Variants in ST6GALNAC3 observed in about 807,000 individuals in gnomAD.
ST6GALNAC3 encodes the protein alpha-N-acetylgalactosaminide alpha-2,6-sialyltransferase 3.
ST6GALNAC3 carries 25 observed loss-of-function variants against 32.7 expected under a neutral mutation model. That is an observed-to-expected ratio of 0.76 (90% confidence interval 0.56 to 1.07). The LOEUF (loss-of-function observed/expected upper bound fraction) is 1.07. Among genes scored for constraint, ST6GALNAC3 ranks in the 50% least tolerant of loss-of-function variants. The pLI is 0.00. For synonymous variants in ST6GALNAC3, 129 were observed against 133.1 expected (o/e 0.97, Z 0.21); for missense variants, 355 against 382.4 (o/e 0.93, Z 0.60).
intron 2 of ST6GALNAC3, among the ~76,000 whole-genome samples, chr1:76,409,096 C>G (rs2101275397): frequency 6.6e-6 from 1 of 152,230 alleles, no homozygotes; most frequent in South Asian, 2.1e-4. Context: ...ATGCGTGACC[C>G]CAAAGGGCAC....
chr1:76,568,721 A>G (rs577847594), intron 3 of ST6GALNAC3, among the ~76,000 whole-genome samples: 1 of 152,244 alleles, frequency 6.6e-6, no homozygotes, highest in African/African-American at 2.4e-5. Flanking sequence ...CTTCGTGTCC[A>G]GGTGCATTAA....
At chr1:76,410,164 A>G (rs1434032950) in intron 2 of ST6GALNAC3, among the ~76,000 whole-genome samples, 1 of 152,118 alleles carries the variant, frequency 6.6e-6, no homozygotes, top group African/African-American at 2.4e-5. Flanking sequence ...CATCTCACGC[A>G]AACTGAAAGA....
At chr1:76,224,379 C>T (rs1655951551) in intron 1 of ST6GALNAC3, among the ~76,000 whole-genome samples, 2 of 152,170 alleles carry the variant, frequency 1.3e-5, no homozygotes, top group African/African-American at 4.8e-5. Context: ...AGAGTAAATG[C>T]TCATTAAATA....
At chr1:76,496,152 T>A (rs945990126) in intron 3 of ST6GALNAC3, among the ~76,000 whole-genome samples, 1 of 152,130 alleles carries the variant, frequency 6.6e-6, no homozygotes, top group East Asian at 1.9e-4. Flanking sequence ...GGTCCCTCCC[T>A]CCATATGGAA....
chr1:76,183,045 A>C (rs1402691611), intron 1 of ST6GALNAC3, among the ~76,000 whole-genome samples: 1 of 152,128 alleles, frequency 6.6e-6, no homozygotes, highest in African/African-American at 2.4e-5. Context: ...TGTCTAATGC[A>C]GTTCTAATGC....
intron 1 of ST6GALNAC3, among the ~76,000 whole-genome samples, chr1:76,213,822 G>T (rs1247103976): frequency 6.6e-6 from 1 of 152,108 alleles, no homozygotes. Context: ...CTGATTAAGG[G>T]AATTCAGACT....
chr1:76,398,004 C>T (rs1173750190), intron 2 of ST6GALNAC3, among the ~76,000 whole-genome samples: 1 of 152,032 alleles, frequency 6.6e-6, no homozygotes, highest in Non-Finnish European at 1.5e-5. Flanking sequence ...CTCTGGGTTT[C>T]TGTGATTACA....
At chr1:76,583,902 C>T (rs1306181373) in intron 3 of ST6GALNAC3, among the ~76,000 whole-genome samples, 2 of 152,180 alleles carry the variant, frequency 1.3e-5, no homozygotes, top group Non-Finnish European at 1.5e-5. Context: ...CCATCTTAAG[C>T]TTCTTCAACA....
intron 1 of ST6GALNAC3, among the ~76,000 whole-genome samples, chr1:76,091,389 T>C (rs549021440): frequency 2.6e-5 from 4 of 152,372 alleles, no homozygotes; most frequent in African/African-American, 4.8e-5. Flanking sequence ...ATGCTTGTTA[T>C]CTGAAGATGT....
chr1:76,487,345 C>T (rs1039556189), intron 3 of ST6GALNAC3, among the ~76,000 whole-genome samples: 5 of 152,132 alleles, frequency 3.3e-5, no homozygotes, highest in African/African-American at 1.2e-4. Context: ...CCATTCTCCC[C>T]GTCACTTTCA....
chr1:76,156,802 G>A (rs1651462024), intron 1 of ST6GALNAC3, among the ~76,000 whole-genome samples: 1 of 152,184 alleles, frequency 6.6e-6, no homozygotes, highest in East Asian at 1.9e-4. Flanking sequence ...CGCGATCTTG[G>A]CTCACTGCAA....
rs545057769 is a variant in ST6GALNAC3 at position 76,601,057 on chromosome 1, G to A, written c.624-26395G>A. Among the ~76,000 whole-genome samples the A allele has an allele frequency of 3.3e-5, 5 of 152,146 alleles. No homozygotes were observed. The South Asian group carries it at 1.0e-3, about 32-fold the overall frequency. ...ATAAATAAATACAAAAATTAGCCAG[G>A]CATGGTGGTGCTTGCCTGTAGTCCC... On this transcript the variant is annotated intron_variant, in intron 3 of 4. Transcript: ENST00000328299.
chr1:76,195,023 A>G (rs1654116566), intron 1 of ST6GALNAC3, among the ~76,000 whole-genome samples: 1 of 152,200 alleles, frequency 6.6e-6, no homozygotes, highest in Non-Finnish European at 1.5e-5. Context: ...AATATCCAAA[A>G]ATCACATTCC....
At chr1:76,459,462 G>A (rs1658122550) in intron 3 of ST6GALNAC3, among the ~76,000 whole-genome samples, 1 of 152,028 alleles carries the variant, frequency 6.6e-6, no homozygotes, top group South Asian at 2.1e-4. Context: ...TACTCGGGAG[G>A]CTGAGGTAGG....
At chr1:76,233,172 A>G (rs1337081745) in intron 1 of ST6GALNAC3, among the ~76,000 whole-genome samples, 1 of 152,154 alleles carries the variant, frequency 6.6e-6, no homozygotes, top group Non-Finnish European at 1.5e-5. Flanking sequence ...CTACAGTAAT[A>G]ATAATATTAC....
intron 1 of ST6GALNAC3, among the ~76,000 whole-genome samples, chr1:76,276,999 T>G (rs1659169801): frequency 6.6e-6 from 1 of 152,218 alleles, no homozygotes; most frequent in African/African-American, 2.4e-5. Context: ...TTTGATTTTG[T>G]GTTGTTTTCA....
chr1:76,572,928 G>A (rs767345765), intron 3 of ST6GALNAC3, among the ~76,000 whole-genome samples: 5 of 152,056 alleles, frequency 3.3e-5, no homozygotes, highest in African/African-American at 4.8e-5. Flanking sequence ...CACTAAGGAC[G>A]AAAATGAAAT....
chr1:76,095,865 T>C (rs1414875345), intron 1 of ST6GALNAC3, among the ~76,000 whole-genome samples: 1 of 152,214 alleles, frequency 6.6e-6, no homozygotes, highest in African/African-American at 2.4e-5. Context: ...TGAAATTGAA[T>C]GTCTTGTAAA....
At chr1:76,289,082 C>T (rs1435110463) in intron 1 of ST6GALNAC3, among the ~76,000 whole-genome samples, 1 of 152,198 alleles carries the variant, frequency 6.6e-6, no homozygotes, top group African/African-American at 2.4e-5. Flanking sequence ...GTTCTTTCCT[C>T]CCACTTGTGT....
Sources: gnomAD v4.1 joint callset for allele counts (sites outside exome capture counted in the v4.1 genomes callset) on GRCh38, gnomAD v4.1.1 for gene constraint, MANE v1.5 for transcripts, NCBI Gene and HGNC (gene_info 2026-07-23, HGNC 2026-07-21) for gene names.